The following ASB5 variants were observed in gnomAD, a reference collection of about 807,000 sequenced individuals.
ASB5 encodes ankyrin repeat and SOCS box protein 5.
A neutral mutation model predicts 42.1 loss-of-function variants in ASB5; 45 were observed. The ratio of observed to expected loss-of-function variants is 1.07; its 90% confidence interval spans 0.84 to 1.37. The LOEUF (loss-of-function observed/expected upper bound fraction) is 1.37, where lower values mean the gene tolerates loss of function less well. Among genes scored for constraint, ASB5 ranks in the 40% most tolerant of loss-of-function variants. The probability of loss-of-function intolerance (pLI) is 0.00; values close to 1 mark genes in which losing one functional copy is unlikely to be tolerated. For missense variants in ASB5, 402 were observed against 399.8 expected, an observed-to-expected ratio of 1.01 and a Z score of -0.05; for synonymous variants, 147 against 150.6, an observed-to-expected ratio of 0.98 and a Z score of 0.18.
chr4:176,214,506 T>C lies in ASB5; in HGVS notation c.*1094A>G, dbSNP rs949215687. ...CTTGCAGAGGACTAGCTTAGTAATA[T>C]CTTCTTTTATACAATACTCTCTTGC... On this transcript the variant is annotated 3_prime_UTR_variant, in exon 7 of 7. Transcript: ENST00000296525. The C allele has an allele frequency of 6.6e-6, 1 of 152,140 alleles. No homozygotes were observed. Among genetic ancestry groups the C allele is most frequent in the Non-Finnish European group, 1.5e-5 (1 of 68,014 alleles). The allele number at this position is 152,140 out of a possible 1,614,324, so 9.4% of individuals were successfully genotyped here.
At chr4:176,241,515 T>A in intron 1 of ASB5, 1 of 1,535,382 alleles carries the variant, frequency 6.5e-7, no homozygotes. Flanking sequence ...GGGGCCATTA[T>A]TCAGTTCTCA....
chr4:176,268,890 A>G (rs1223670720), intron 1 of ASB5, 23 bp downstream of exon 1: 1 of 1,534,890 alleles, frequency 6.5e-7, no homozygotes, highest in African/African-American at 1.4e-5. Context: ...ACTTGAAACA[A>G]GAGAGGATTA....
chr4:176,254,214 A>G (rs781298832), intron 1 of ASB5, among the ~76,000 whole-genome samples: 1 of 152,180 alleles, frequency 6.6e-6, no homozygotes, highest in Non-Finnish European at 1.5e-5. Flanking sequence ...GTGCAAAAAC[A>G]AATACATAGA....
chr4:176,213,856 T>TA lies in ASB5; in HGVS notation c.*1743dup, dbSNP rs1217499650. 4 of 152,108 alleles carry TA rather than the reference T, an allele frequency of 2.6e-5. No homozygotes were observed. Among genetic ancestry groups the TA allele is most frequent in the Non-Finnish European group, 5.9e-5 (4 of 67,960 alleles). 9.4% of individuals were successfully genotyped at this position (152,108 alleles called of 1,614,324 possible). ...ACTTCTCTTATTGGCACAAGACTAA[T>TA]AAGATAGATGGGTTGTATTACTCTT... On this transcript the variant is annotated 3_prime_UTR_variant, in exon 7 of 7. Coordinates refer to ENST00000296525, the MANE Select transcript of ASB5 (RefSeq NM_080874.4).
chr4:176,265,788 T>G (rs1027955745), intron 1 of ASB5, among the ~76,000 whole-genome samples: 2 of 152,124 alleles, frequency 1.3e-5, no homozygotes, highest in African/African-American at 4.8e-5. Flanking sequence ...CCCTGTTGGT[T>G]TCAAAGTAAA....
chr4:176,238,508 A>G (rs552803298), intron 1 of ASB5, among the ~76,000 whole-genome samples: 1 of 152,318 alleles, frequency 6.6e-6, no homozygotes, highest in Non-Finnish European at 1.5e-5. Context: ...AAGTTGAAAA[A>G]GGCACAGAGT....
Position 176,269,042 on chromosome 4 carries a change from A to G in ASB5, c.67T>C (p.Ser23Pro). ...QLSNVYFTIL[S>P]LFCFKLFVKI... Reference sequence around the variant, plus strand: ...ACAAAAAGCTTAAAACAGAACAGCGAAAGTATTGTAAAGTAGACATTGGAT... The same window carrying G: ...ACAAAAAGCTTAAAACAGAACAGCGGAAGTATTGTAAAGTAGACATTGGAT... Residue 23 changes from serine to proline, a missense_variant, in exon 1 of 7, where the codon TCG (serine) becomes CCG (proline). Ser to Pro is a moderately conservative substitution (Grantham distance 74). Coordinates refer to ENST00000296525, the MANE Select transcript of ASB5 (RefSeq NM_080874.4). 6.2e-7 allele frequency: 1 copy of G among 1,613,518 alleles called. No homozygotes were observed.
chr4:176,247,087 A>G (rs1265153195), intron 1 of ASB5, among the ~76,000 whole-genome samples: 1 of 152,162 alleles, frequency 6.6e-6, no homozygotes, highest in African/African-American at 2.4e-5. Context: ...TTAAGATATT[A>G]TTTATGGTAG....
At chr4:176,249,216 C>G (rs191962892) in intron 1 of ASB5, among the ~76,000 whole-genome samples, 11 of 152,318 alleles carry the variant, frequency 7.2e-5, no homozygotes, top group Non-Finnish European at 1.2e-4. Flanking sequence ...ATCTGCCCGC[C>G]GCAGCCTCCC....
At chr4:176,267,454 CTG>C (rs1311079980) in intron 1 of ASB5, among the ~76,000 whole-genome samples, 1 of 152,008 alleles carries the variant, frequency 6.6e-6, no homozygotes, top group East Asian at 1.9e-4. Flanking sequence ...TGTTGAGACT[CTG>C]TCTCTACAAA....
intron 2 of ASB5, among the ~76,000 whole-genome samples, chr4:176,274,359 C>T (rs979013870): frequency 2.6e-5 from 4 of 151,566 alleles, no homozygotes; most frequent in African/African-American, 7.3e-5. Context: ...CTCACTTGTA[C>T]GGAAAAAAAA....
intron 2 of ASB5, among the ~76,000 whole-genome samples, chr4:176,274,891 A>T (rs983774812): frequency 1.3e-5 from 2 of 151,524 alleles, no homozygotes; most frequent in African/African-American, 4.9e-5. Context: ...TGATCTTTCC[A>T]GTACTTCCAG....
chr4:176,227,842 T>C (rs542751351), intron 1 of ASB5, among the ~76,000 whole-genome samples: 4 of 152,316 alleles, frequency 2.6e-5, no homozygotes, highest in African/African-American at 9.6e-5. Context: ...TAGCCAGTGG[T>C]AACAGCATAC....
At chr4:176,232,975 C>T (rs1753588008) in intron 1 of ASB5, among the ~76,000 whole-genome samples, 1 of 152,138 alleles carries the variant, frequency 6.6e-6, no homozygotes, top group Admixed American at 6.5e-5. Flanking sequence ...GTTCAAATTC[C>T]AGCATAGATA....
At chr4:176,230,856 A>G (rs1753524112) in intron 1 of ASB5, among the ~76,000 whole-genome samples, 1 of 152,226 alleles carries the variant, frequency 6.6e-6, no homozygotes, top group Admixed American at 6.5e-5. Context: ...TGAGTGTCTA[A>G]GATAAAAGCA....
intron 1 of ASB5, among the ~76,000 whole-genome samples, chr4:176,225,614 G>T (rs1202806337): frequency 6.6e-6 from 1 of 152,012 alleles, no homozygotes; most frequent in Non-Finnish European, 1.5e-5. Flanking sequence ...TTTAATAGAT[G>T]GAGTCTCGCC....
chr4:176,217,269 C>G (rs1311534862), intron 5 of ASB5, among the ~76,000 whole-genome samples: 1 of 152,048 alleles, frequency 6.6e-6, no homozygotes, highest in Non-Finnish European at 1.5e-5. Flanking sequence ...CTCTCTGATA[C>G]TTTTCTGTAT....
chr4:176,251,367 C>A (rs1487638114), intron 1 of ASB5, among the ~76,000 whole-genome samples: 1 of 26,348 alleles, frequency 3.8e-5, no homozygotes, highest in Admixed American at 4.8e-4. Flanking sequence ...TCGAGACCAT[C>A]CCGGCTAAAA....
At position 176,221,303 on chromosome 4, in the gene ASB5, G is replaced by C. The variant is rs1753198302; in HGVS notation, c.536-14C>G. 6.2e-7 allele frequency: 1 copy of C among 1,613,258 alleles called. No homozygotes were observed. Among genetic ancestry groups the C allele is most frequent in the Non-Finnish European group, 8.5e-7 (1 of 1,179,602 alleles). On this transcript the variant is annotated splice_polypyrimidine_tract_variant and intron_variant, in intron 4 of 6. Coordinates refer to ENST00000296525, the MANE Select transcript of ASB5 (RefSeq NM_080874.4). ...ATTCATGGTGACCTGCCAACACAAA[G>C]TAGAGGAGTTTAACTTAATGCCCAT...
Sources: gnomAD v4.1 joint callset for allele counts (sites outside exome capture counted in the v4.1 genomes callset) on GRCh38, gnomAD v4.1.1 for gene constraint, MANE v1.5 for transcripts, NCBI Gene and HGNC (gene_info 2026-07-23, HGNC 2026-07-21) for gene names.